NPY2R: variants seen among roughly 807,000 people sequenced by gnomAD.
NPY2R encodes the protein neuropeptide Y receptor Y2.
Under a neutral mutation model 22.3 loss-of-function variants are expected in NPY2R, and 17 were observed. The observed-to-expected ratio is 0.76, with a 90% CI of 0.52 to 1.14. The LOEUF is 1.14. Ranked by LOEUF, NPY2R falls within the 50% of genes most tolerant of loss-of-function variation. The probability of loss-of-function intolerance (pLI) is 0.00; values close to 1 mark genes in which losing one functional copy is unlikely to be tolerated. For synonymous variants in NPY2R, 209 were observed against 183.4 expected (o/e 1.14, Z -1.13); for missense variants, 424 against 467.9 (o/e 0.91, Z 0.87).
rs1729466671 is a variant in NPY2R, at chr4:155,214,386, C to G, written c.447C>G (p.His149Gln). The G allele has an allele frequency of 1.2e-6, 2 of 1,614,102 alleles. No individual in the cohort carries two copies. Among genetic ancestry groups the G allele is most frequent in the Non-Finnish European group, 1.7e-6 (2 of 1,180,028 alleles). Residue 149 changes from histidine (H) to glutamine (Q), a missense_variant, in exon 2 of 2, where the codon CAC (histidine) becomes CAG (glutamine). Physicochemically the swap from His to Gln is conservative, Grantham distance 24. Transcript: ENST00000329476. ...ITLTVIALDR[H>Q]RCIVYHLESK... ...TGACAGTAATTGCCCTGGACCGGCA[C>G]AGGTGCATCGTCTACCACCTAGAGA...
rs564914303 is a variant in NPY2R, at chr4:155,216,927, C to T, written c.*1842C>T. ...TATTACACTGTAAGAAATGTATATG[C>T]TACTGTGTTACATGTTGTATTAGTA... On this transcript the variant is annotated 3_prime_UTR_variant, in exon 2 of 2. Coordinates refer to ENST00000329476, the MANE Select transcript of NPY2R (RefSeq NM_000910.4). 2.0e-4 allele frequency: 34 copies of T among 167,102 alleles called. No individual in the cohort carries two copies. The highest frequency in any genetic ancestry group is 7.0e-4 in the African/African-American group (29 of 41,568). 10.4% of individuals were successfully genotyped at this position (167,102 alleles called of 1,614,324 possible).
At chr4:155,176,138 C>G in the NPY2R span, among the ~76,000 whole-genome samples, 1 of 152,146 alleles carries the variant, frequency 6.6e-6, no homozygotes, top group East Asian at 1.9e-4. Flanking sequence ...CTTCCTTACC[C>G]CTCTCTAATT....
chr4:155,209,347 C>G (rs1483473720), intron 1 of NPY2R, among the ~76,000 whole-genome samples: 5 of 152,126 alleles, frequency 3.3e-5, no homozygotes. Flanking sequence ...GTTATTGTTC[C>G]TGCCTCTTTA....
chr4:155,212,518 G>A (rs1184131114), intron 1 of NPY2R, among the ~76,000 whole-genome samples: 1 of 152,142 alleles, frequency 6.6e-6, no homozygotes, highest in African/African-American at 2.4e-5. Flanking sequence ...CAAGACATAG[G>A]TTTTTAAATG....
chr4:155,196,912 C>T, the NPY2R span, among the ~76,000 whole-genome samples: 1 of 151,818 alleles, frequency 6.6e-6, no homozygotes. Context: ...AGTAAAATTC[C>T]TATTTATTTT....
At chr4:155,181,189 C>G in the NPY2R span, among the ~76,000 whole-genome samples, 2 of 151,880 alleles carry the variant, frequency 1.3e-5, no homozygotes, top group Non-Finnish European at 2.9e-5. Flanking sequence ...AGTTACACAG[C>G]ACGTGGATAA....
At chr4:155,176,621 C>T in the NPY2R span, among the ~76,000 whole-genome samples, 2 of 152,184 alleles carry the variant, frequency 1.3e-5, no homozygotes, top group Admixed American at 6.6e-5. Context: ...TGTGTCCCCA[C>T]AGATCTTTAA....
upstream of NPY2R, among the ~76,000 whole-genome samples, chr4:155,205,289 T>C (rs984534259): frequency 6.6e-5 from 10 of 152,248 alleles, no homozygotes; most frequent in African/African-American, 1.9e-4. Context: ...AGATAATGCC[T>C]ATTTCTTCTA....
upstream of NPY2R, among the ~76,000 whole-genome samples, chr4:155,206,074 G>T (rs1729278463): frequency 6.6e-6 from 1 of 152,098 alleles, no homozygotes; most frequent in Non-Finnish European, 1.5e-5. Context: ...TGCTCTTCAA[G>T]GTGTTATGGC....
the NPY2R span, among the ~76,000 whole-genome samples, chr4:155,186,553 A>T: frequency 6.6e-6 from 1 of 152,202 alleles, no homozygotes; most frequent in Admixed American, 6.5e-5. Flanking sequence ...AAGCCAATTA[A>T]CATATGAATT....
chr4:155,209,270 G>T (rs1010719453), intron 1 of NPY2R, among the ~76,000 whole-genome samples: 2 of 152,112 alleles, frequency 1.3e-5, no homozygotes, highest in African/African-American at 4.8e-5. Context: ...CTTTTCTGTT[G>T]AAGATTATTT....
At chr4:155,192,074 AT>A in the NPY2R span, among the ~76,000 whole-genome samples, 1 of 151,718 alleles carries the variant, frequency 6.6e-6, no homozygotes, top group African/African-American at 2.4e-5. Flanking sequence ...TATTTATAGC[AT>A]TTTTCTGTAA....
the NPY2R span, among the ~76,000 whole-genome samples, chr4:155,199,191 T>G: frequency 6.6e-6 from 1 of 151,942 alleles, no homozygotes; most frequent in African/African-American, 2.4e-5. Flanking sequence ...GGCAGAGAAA[T>G]TTTTAGATTT....
intron 1 of NPY2R, among the ~76,000 whole-genome samples, chr4:155,213,663 A>G (rs960124713): frequency 3.9e-5 from 6 of 152,218 alleles, no homozygotes; most frequent in Non-Finnish European, 5.9e-5. Context: ...CATAGCATAT[A>G]TTTCAGAAAC....
In NPY2R at chr4:155,214,019, C is replaced by G; in HGVS notation, c.80C>G (p.Thr27Ser). 1 of 1,614,030 alleles carries G rather than the reference C, an allele frequency of 6.2e-7. No homozygotes were observed. ...MKVEQYGPQTTPRGELVPDPE... is the reference protein window; with the variant it reads ...MKVEQYGPQTSPRGELVPDPE... ...GTGGAACAATACGGGCCACAAACAACTCCTAGAGGTGAACTGGTCCCTGAC... is the reference window on the plus strand; with the variant it reads ...GTGGAACAATACGGGCCACAAACAAGTCCTAGAGGTGAACTGGTCCCTGAC... Residue 27 changes from threonine (T) to serine (S), a missense_variant, in exon 2 of 2, where the codon ACT (threonine) becomes AGT (serine). By Grantham distance (58) the Thr-to-Ser change is moderately conservative (BLOSUM62 1). Coordinates refer to ENST00000329476, the MANE Select transcript of NPY2R (RefSeq NM_000910.4).
At chr4:155,210,882 G>A (rs999265137) in intron 1 of NPY2R, among the ~76,000 whole-genome samples, 5 of 152,104 alleles carry the variant, frequency 3.3e-5, no homozygotes, top group African/African-American at 1.2e-4. Context: ...GAGAGTTGGG[G>A]GAGCAGAAAC....
upstream of NPY2R, among the ~76,000 whole-genome samples, chr4:155,203,959 A>G (rs1340841313): frequency 6.6e-6 from 1 of 152,194 alleles, no homozygotes; most frequent in Non-Finnish European, 1.5e-5. Flanking sequence ...TACTGGAGTT[A>G]AGATAATTCT....
rs1326237863 is a variant in NPY2R, at chr4:155,214,540, G to A, written c.601G>A (p.Val201Met). Residue 201 changes from valine to methionine, a missense_variant, in exon 2 of 2, where the codon GTG (valine) becomes ATG (methionine). Transcript: ENST00000329476. ...LIEIIPDFEI[V>M]ACTEKWPGEE... Reference sequence around the variant, plus strand: ...TGAGATCATCCCGGACTTTGAGATTGTGGCCTGTACTGAAAAGTGGCCTGG... The same window carrying A: ...TGAGATCATCCCGGACTTTGAGATTATGGCCTGTACTGAAAAGTGGCCTGG... 2.5e-6 allele frequency: 4 copies of A among 1,614,082 alleles called. No individual in the cohort carries two copies. Among genetic ancestry groups the A allele is most frequent in the Non-Finnish European group, 3.4e-6 (4 of 1,180,034 alleles).
chr4:155,201,883 A>G, the NPY2R span, among the ~76,000 whole-genome samples: 72,112 of 151,962 alleles, frequency 0.47, 18,089 homozygotes, highest in African/African-American at 0.64. Flanking sequence ...TTGCATTAAC[A>G]CATCAGTCTT....
Sources: gnomAD v4.1 joint callset for allele counts (sites outside exome capture counted in the v4.1 genomes callset) on GRCh38, gnomAD v4.1.1 for gene constraint, MANE v1.5 for transcripts, NCBI Gene and HGNC (gene_info 2026-07-23, HGNC 2026-07-21) for gene names.